RBFOX1: variants seen among roughly 807,000 people sequenced by gnomAD.
RBFOX1 encodes RNA binding fox-1 homolog 1.
In RBFOX1, 8 loss-of-function variants were observed where a neutral mutation model predicts 57.7. The observed-to-expected ratio is 0.14, with a 90% CI of 0.08 to 0.25. The LOEUF (loss-of-function observed/expected upper bound fraction) is 0.25, where lower values mean the gene tolerates loss of function less well. RBFOX1 is among the 10% of genes least tolerant of loss of function. The pLI, the probability that RBFOX1 is intolerant of heterozygous loss-of-function variation, is 1.00. For synonymous variants in RBFOX1, 326 were observed against 222.4 expected (o/e 1.47, Z -4.15); for missense variants, 611 against 548.5 (o/e 1.11, Z -1.14).
intron 1 of RBFOX1, among the ~76,000 whole-genome samples, chr16:6,234,170 C>T (rs2097487510): frequency 6.6e-6 from 1 of 152,212 alleles, no homozygotes; most frequent in Non-Finnish European, 1.5e-5. Context: ...TTCACCATCA[C>T]AGTGGCATTA....
Position 7,676,855 on chromosome 16 carries a change from T to G in RBFOX1, c.995+17T>G, listed in dbSNP as rs778984472. 6.2e-7 allele frequency: 1 copy of G among 1,603,180 alleles called. No individual in the cohort carries two copies. ...CAGTGACAGGTAAGGGTCATCCTTC[T>G]TGTGCTTGACAACTACTTGTAAATT... On this transcript the variant is annotated intron_variant, in intron 14 of 15. Transcript: ENST00000550418.
intron 4 of RBFOX1, among the ~76,000 whole-genome samples, chr16:7,432,409 ATTCTCCTAATG>A (rs569175626): frequency 2.0e-5 from 3 of 152,168 alleles, no homozygotes; most frequent in Non-Finnish European, 4.4e-5. Context: ...CTTTTTGTGA[ATTCTCCTAATG>A]CAATCGTTGT....
chr16:7,326,491 A>T (rs1477670901), intron 4 of RBFOX1, among the ~76,000 whole-genome samples: 1 of 152,128 alleles, frequency 6.6e-6, no homozygotes, highest in Non-Finnish European at 1.5e-5. Context: ...AGCTGCCATG[A>T]TGAGCAGAGA....
chr16:6,797,418 T>G (rs977130245), intron 3 of RBFOX1, among the ~76,000 whole-genome samples: 5 of 151,972 alleles, frequency 3.3e-5, no homozygotes, highest in East Asian at 1.9e-4. Context: ...GGGAGAGAGA[T>G]AGAGTTGCTT....
At chr16:5,488,083 ATTATGG>A (rs1261051672) in intron 2 of RBFOX1, among the ~76,000 whole-genome samples, 1 of 150,924 alleles carries the variant, frequency 6.6e-6, no homozygotes, top group East Asian at 1.9e-4. Context: ...ATAATGGAGG[ATTATGG>A]TGATGATGGT....
chr16:5,750,508 G>T (rs949514166), intron 3 of RBFOX1, among the ~76,000 whole-genome samples: 3 of 152,214 alleles, frequency 2.0e-5, no homozygotes, highest in Non-Finnish European at 4.4e-5. Context: ...GCTGTGGTGG[G>T]CTCCACACAG....
intron 3 of RBFOX1, among the ~76,000 whole-genome samples, chr16:6,911,242 G>T (rs1308034004): frequency 1.3e-5 from 2 of 151,232 alleles, no homozygotes; most frequent in Non-Finnish European, 1.5e-5. Context: ...TTGAACCTTG[G>T]GTAGTGCGTT....
At chr16:7,233,051 C>T (rs924655212) in intron 4 of RBFOX1, among the ~76,000 whole-genome samples, 17 of 152,100 alleles carry the variant, frequency 1.1e-4, no homozygotes, top group African/African-American at 4.1e-4. Context: ...ATCCCTTTTG[C>T]TTGCTCTTGA....
chr16:6,092,624 A>G (rs2096191781), intron 1 of RBFOX1: 1 of 152,198 alleles, frequency 6.6e-6, no homozygotes, highest in Non-Finnish European at 1.5e-5. Flanking sequence ...CAGTTATCCC[A>G]GTACCATTTA....
chr16:6,952,495 A>G (rs1451878535), intron 3 of RBFOX1, among the ~76,000 whole-genome samples: 1 of 151,794 alleles, frequency 6.6e-6, no homozygotes, highest in African/African-American at 2.4e-5. Context: ...AAAAATTAGC[A>G]GGTGTGGTCA....
chr16:6,354,703 A>T (rs929632623), intron 2 of RBFOX1, among the ~76,000 whole-genome samples: 1 of 152,146 alleles, frequency 6.6e-6, no homozygotes, highest in South Asian at 2.1e-4. Flanking sequence ...CCGTTCCTGT[A>T]CCTGGAACAT....
intron 1 of RBFOX1, among the ~76,000 whole-genome samples, chr16:6,211,384 A>G (rs1006743794): frequency 2.8e-4 from 43 of 151,974 alleles, no homozygotes; most frequent in African/African-American, 1.0e-3. Context: ...GCCCACCACC[A>G]CACCCGGCTA....
At chr16:7,513,363 C>G (rs989791067) in intron 4 of RBFOX1, among the ~76,000 whole-genome samples, 43 of 152,194 alleles carry the variant, frequency 2.8e-4, no homozygotes, top group Admixed American at 7.2e-4. Context: ...CTTGGTTTAA[C>G]TCTTGGCTTC....
intron 1 of RBFOX1, among the ~76,000 whole-genome samples, chr16:6,175,280 T>TC (rs2096995776): frequency 6.6e-6 from 1 of 152,170 alleles, no homozygotes. Context: ...CCGTAATACG[T>TC]CCCTAGGAAC....
intron 4 of RBFOX1, among the ~76,000 whole-genome samples, chr16:7,307,879 C>A (rs1042128510): frequency 6.6e-6 from 1 of 152,220 alleles, no homozygotes; most frequent in Non-Finnish European, 1.5e-5. Flanking sequence ...GCCTCAATCT[C>A]CTTTCCTGAG....
chr16:7,552,059 G>A (rs1203268880), intron 5 of RBFOX1, among the ~76,000 whole-genome samples: 2 of 152,112 alleles, frequency 1.3e-5, no homozygotes, highest in East Asian at 3.9e-4. Flanking sequence ...AATTGTATAA[G>A]GAGATTTTCA....
intron 2 of RBFOX1, among the ~76,000 whole-genome samples, chr16:6,447,320 A>C (rs62015241): frequency 0.25 from 38,093 of 152,084 alleles, 6,098 homozygotes; most frequent in Non-Finnish European, 0.36. Flanking sequence ...TAGCTACCGG[A>C]TAATTTAGTA....
At chr16:5,953,489 C>G (rs2059560826) in intron 4 of RBFOX1, among the ~76,000 whole-genome samples, 1 of 152,030 alleles carries the variant, frequency 6.6e-6, no homozygotes. Flanking sequence ...TCCCTCACCT[C>G]CTTCCCACCC....
chr16:5,310,704 C>T (rs1054359660), intron 1 of RBFOX1, among the ~76,000 whole-genome samples: 1 of 152,182 alleles, frequency 6.6e-6, no homozygotes, highest in Non-Finnish European at 1.5e-5. Flanking sequence ...TAGGGTCTTG[C>T]TAGACCTGAG....
Sources: gnomAD v4.1 joint callset for allele counts (sites outside exome capture counted in the v4.1 genomes callset) on GRCh38, gnomAD v4.1.1 for gene constraint, MANE v1.5 for transcripts, NCBI Gene and HGNC (gene_info 2026-07-23, HGNC 2026-07-21) for gene names.